The following FGF12 variants were observed in gnomAD, a reference collection of about 807,000 sequenced individuals.
FGF12 encodes fibroblast growth factor 12.
Under a neutral mutation model 23.6 loss-of-function variants are expected in FGF12, and 14 were observed. The ratio of observed to expected loss-of-function variants is 0.59; its 90% CI spans 0.39 to 0.93. The LOEUF is 0.93. Among genes scored for constraint, FGF12 ranks in the 40% least tolerant of loss-of-function variants. The pLI, the probability that FGF12 is intolerant of heterozygous loss-of-function variation, is 0.00. For missense variants in FGF12, 175 were observed against 217.8 expected (o/e 0.80, Z 1.24); for synonymous variants, 62 against 77.3 (o/e 0.80, Z 1.04).
At chr3:192,339,991 A>G (rs892123216) in intron 3 of FGF12, among the ~76,000 whole-genome samples, 24 of 152,194 alleles carry the variant, frequency 1.6e-4, no homozygotes, top group African/African-American at 5.5e-4. Flanking sequence ...TTAGAAACTT[A>G]AAGCATCTCA....
At chr3:192,631,780 G>C (rs544155048) in intron 2 of FGF12, among the ~76,000 whole-genome samples, 1 of 152,308 alleles carries the variant, frequency 6.6e-6, no homozygotes, top group South Asian at 2.1e-4. Context: ...AATGGGTTTT[G>C]CAATATGTGA....
At chr3:192,365,635 A>G (rs988485674) in intron 2 of FGF12, among the ~76,000 whole-genome samples, 1 of 152,154 alleles carries the variant, frequency 6.6e-6, no homozygotes, top group African/African-American at 2.4e-5. Context: ...AGCAAGTAAT[A>G]AATGTTTTCC....
chr3:192,537,798 A>T (rs1725262718), intron 2 of FGF12, among the ~76,000 whole-genome samples: 1 of 151,974 alleles, frequency 6.6e-6, no homozygotes, highest in South Asian at 2.1e-4. Context: ...TTTTAACTTG[A>T]TGTGATCCCA....
chr3:192,556,763 T>G (rs1711797999), intron 2 of FGF12, among the ~76,000 whole-genome samples: 2 of 152,138 alleles, frequency 1.3e-5, no homozygotes, highest in Non-Finnish European at 2.9e-5. Context: ...ACGTGTTGGG[T>G]CGCAAAAGGA....
chr3:192,628,079 A>G (rs1376465127), intron 2 of FGF12, among the ~76,000 whole-genome samples: 2 of 152,154 alleles, frequency 1.3e-5, no homozygotes, highest in Admixed American at 6.5e-5. Context: ...TTTAAAAAAC[A>G]TTACATGAAC....
intron 3 of FGF12, among the ~76,000 whole-genome samples, chr3:192,340,560 A>G (rs1717643015): frequency 6.6e-6 from 1 of 152,162 alleles, no homozygotes; most frequent in Non-Finnish European, 1.5e-5. Context: ...TGTCCTTTCC[A>G]AAAGGAGTAT....
intron 2 of FGF12, among the ~76,000 whole-genome samples, chr3:192,478,692 G>T (rs1040405568): frequency 2.6e-5 from 4 of 152,236 alleles, no homozygotes; most frequent in African/African-American, 7.2e-5. Context: ...AAGCATACTT[G>T]AAGTAGTTAA....
At chr3:192,345,453 C>T (rs1717909584) in intron 3 of FGF12, among the ~76,000 whole-genome samples, 1 of 42,880 alleles carries the variant, frequency 2.3e-5, no homozygotes, top group South Asian at 7.9e-4. Context: ...TTTGGGAGGC[C>T]GAGGCGGGCG....
chr3:192,224,166 T>G (rs1718611709), intron 4 of FGF12, among the ~76,000 whole-genome samples: 1 of 152,108 alleles, frequency 6.6e-6, no homozygotes, highest in African/African-American at 2.4e-5. Flanking sequence ...TGATACAGCA[T>G]TTCTATATTT....
rs188707071 is a variant in FGF12, at chr3:192,452,751, C to T, written c.14-92213G>A. Reference sequence around the variant, plus strand: ...TTGTGTCAAAATGTGGACAGTATTGCTCCGGTCTTTCAGCTTCCATTTTTT... The same window carrying T: ...TTGTGTCAAAATGTGGACAGTATTGTTCCGGTCTTTCAGCTTCCATTTTTT... On this transcript the variant is annotated intron_variant, in intron 2 of 5. Coordinates refer to ENST00000445105, the MANE Select transcript of FGF12 (RefSeq NM_004113.6). Among the ~76,000 whole-genome samples the T allele has an allele frequency of 2.6e-5, 4 of 152,306 alleles. 1 individual carries two copies. The highest frequency in any genetic ancestry group is 2.6e-4 in the Admixed American group (4 of 15,298).
intron 2 of FGF12, among the ~76,000 whole-genome samples, chr3:192,686,814 A>G (rs1306316176): frequency 9.3e-6 from 1 of 107,030 alleles, no homozygotes; most frequent in African/African-American, 4.2e-5. Context: ...TTTTTTCTCT[A>G]ATTTTTTTTT....
intron 2 of FGF12, among the ~76,000 whole-genome samples, chr3:192,481,761 G>A (rs1004530374): frequency 3.9e-5 from 6 of 152,160 alleles, no homozygotes; most frequent in African/African-American, 9.6e-5. Context: ...TTCGGTCTAC[G>A]TCTGGATTTT....
At chr3:192,334,639 G>A (rs888811161) in intron 4 of FGF12, among the ~76,000 whole-genome samples, 5 of 152,024 alleles carry the variant, frequency 3.3e-5, no homozygotes, top group Non-Finnish European at 5.9e-5. Context: ...ATATGTCAGT[G>A]CTGATAATGT....
At chr3:192,582,738 G>C (rs1713209006) in intron 2 of FGF12, among the ~76,000 whole-genome samples, 1 of 151,974 alleles carries the variant, frequency 6.6e-6, no homozygotes, top group South Asian at 2.1e-4. Context: ...TAGATATAAA[G>C]GTCTGGGTAT....
chr3:192,581,820 C>G (rs564534929), intron 2 of FGF12, among the ~76,000 whole-genome samples: 11 of 152,046 alleles, frequency 7.2e-5, no homozygotes, highest in Admixed American at 6.6e-5. Flanking sequence ...TTCTTAATTA[C>G]TCAATGTGCT....
At chr3:192,624,196 T>TAA (rs1031962616) in intron 2 of FGF12, among the ~76,000 whole-genome samples, 2 of 144,462 alleles carry the variant, frequency 1.4e-5, no homozygotes, top group African/African-American at 5.1e-5. Context: ...ATCTCTTAGA[T>TAA]AAAAAAAAAA....
chr3:192,700,023 ATC>A (rs1407773824), intron 2 of FGF12, among the ~76,000 whole-genome samples: 5 of 152,076 alleles, frequency 3.3e-5, no homozygotes, highest in Non-Finnish European at 7.4e-5. Context: ...TAGAACCCAA[ATC>A]TCTCCTTTCT....
chr3:192,196,673 G>A lies in FGF12; in HGVS notation c.229-26017C>T, dbSNP rs74741321. Among the ~76,000 whole-genome samples the A allele has an allele frequency of 3.4e-3, 518 of 152,162 alleles. 8 individuals are homozygous for A. Among genetic ancestry groups the A allele is most frequent in the East Asian group, 0.031 (163 of 5,178 alleles). On this transcript the variant is annotated intron_variant, in intron 4 of 5. Coordinates refer to ENST00000445105, the MANE Select transcript of FGF12 (RefSeq NM_004113.6). ...CTAGGGTGTAAATTTCTAACTTTCC[G>A]TCAAAAATAACACTCTAAATGTGAA...
intron 2 of FGF12, among the ~76,000 whole-genome samples, chr3:192,697,372 C>T (rs7627214): frequency 0.041 from 6,190 of 152,236 alleles, 447 homozygotes; most frequent in African/African-American, 0.14. Flanking sequence ...CTCCCATCAG[C>T]AATCTGAGGC....
Sources: allele counts gnomAD v4.1 joint callset (sites outside exome capture counted in the v4.1 genomes callset), GRCh38; gene constraint gnomAD v4.1.1; transcripts MANE v1.5; gene names NCBI Gene and HGNC (gene_info 2026-07-23, HGNC 2026-07-21).